The following KDM4B variants were observed in gnomAD, a reference collection of about 807,000 sequenced individuals.
The protein encoded by KDM4B is lysine demethylase 4B.
A neutral mutation model predicts 125.2 loss-of-function variants in KDM4B; 32 were observed. The ratio of observed to expected loss-of-function variants is 0.26; its 90% confidence interval spans 0.19 to 0.34. KDM4B has a LOEUF of 0.34. Ranked by LOEUF, KDM4B falls within the 10% of genes least tolerant of loss-of-function variation. The pLI, the probability that KDM4B is intolerant of heterozygous loss-of-function variation, is 1.00. For synonymous variants in KDM4B, 721 were observed against 677.9 expected (o/e 1.06, Z -0.99); for missense variants, 1,190 against 1,577.7 (o/e 0.75, Z 4.16).
chr19:4,974,474 C>T (rs1209621792), intron 1 of KDM4B, among the ~76,000 whole-genome samples: 2 of 151,908 alleles, frequency 1.3e-5, no homozygotes, highest in Non-Finnish European at 2.9e-5. Flanking sequence ...TGTGGTGGCT[C>T]ACGCCTGTAA....
intron 1 of KDM4B, among the ~76,000 whole-genome samples, chr19:4,996,004 C>G (rs1195111771): frequency 6.6e-6 from 1 of 152,054 alleles, no homozygotes; most frequent in Non-Finnish European, 1.5e-5. Flanking sequence ...CTCTTTCTTT[C>G]TTTTTAGACA....
chr19:5,070,426 A>G (rs969334904), intron 6 of KDM4B, among the ~76,000 whole-genome samples: 5 of 152,244 alleles, frequency 3.3e-5, no homozygotes, highest in South Asian at 4.1e-4. Flanking sequence ...TTTCTTATTC[A>G]TGATGGAGCC....
At chr19:4,995,748 G>C (rs945344518) in intron 1 of KDM4B, among the ~76,000 whole-genome samples, 11 of 152,322 alleles carry the variant, frequency 7.2e-5, no homozygotes, top group African/African-American at 2.4e-4. Flanking sequence ...AGTATCCCAG[G>C]CTGGCTCCCT....
At chr19:5,143,884 G>T in intron 18 of KDM4B, 83 bp from the exon 19 acceptor site, 1 of 1,132,990 alleles carries the variant, frequency 8.8e-7, no homozygotes, top group South Asian at 1.5e-5. Context: ...CTTGAAGGCT[G>T]TGCCGGGAGG....
At chr19:5,090,063 C>T (rs139895289) in intron 9 of KDM4B, among the ~76,000 whole-genome samples, 217 of 152,168 alleles carry the variant, frequency 1.4e-3, no homozygotes, top group African/African-American at 5.0e-3. Flanking sequence ...AAAGCCTGGC[C>T]CCCTTCCTCC....
At chr19:5,100,745 G>C (rs2038915224) in intron 9 of KDM4B, among the ~76,000 whole-genome samples, 1 of 152,108 alleles carries the variant, frequency 6.6e-6, no homozygotes, top group East Asian at 1.9e-4. Flanking sequence ...TTGTTTTCTG[G>C]AAGAGTTCCT....
At chr19:5,052,019 G>A (rs1385546150) in intron 6 of KDM4B, among the ~76,000 whole-genome samples, 1 of 152,106 alleles carries the variant, frequency 6.6e-6, no homozygotes, top group Non-Finnish European at 1.5e-5. Flanking sequence ...GGCCATCCTG[G>A]GCTGCTATGA....
chr19:5,079,673 T>C (rs2038227310), intron 8 of KDM4B, among the ~76,000 whole-genome samples: 1 of 152,242 alleles, frequency 6.6e-6, no homozygotes, highest in Non-Finnish European at 1.5e-5. Flanking sequence ...GGGAAAAGCC[T>C]TTCCGAAGCC....
chr19:5,108,531 C>T (rs994122412), intron 9 of KDM4B, among the ~76,000 whole-genome samples: 47 of 152,152 alleles, frequency 3.1e-4, no homozygotes, highest in African/African-American at 2.2e-4. Flanking sequence ...AGGTTTCCGT[C>T]GTCCCCAACC....
chr19:5,100,548 C>G (rs926420259), intron 9 of KDM4B, among the ~76,000 whole-genome samples: 1 of 152,186 alleles, frequency 6.6e-6, no homozygotes, highest in African/African-American at 2.4e-5. Context: ...CTGCCTCAGC[C>G]TCCTGTGTAG....
At chr19:4,986,499 C>T (rs920614463) in intron 1 of KDM4B, among the ~76,000 whole-genome samples, 4 of 152,178 alleles carry the variant, frequency 2.6e-5, no homozygotes, top group Non-Finnish European at 4.4e-5. Flanking sequence ...GGCACCTGCC[C>T]CCTGCCATGG....
chr19:5,102,819 C>G (rs1185750098), intron 9 of KDM4B, among the ~76,000 whole-genome samples: 1 of 152,206 alleles, frequency 6.6e-6, no homozygotes, highest in Non-Finnish European at 1.5e-5. Context: ...TCTGGCCTCC[C>G]TGGGAGCAGT....
intron 6 of KDM4B, among the ~76,000 whole-genome samples, chr19:5,051,307 C>T (rs2037215734): frequency 6.6e-6 from 1 of 152,266 alleles, no homozygotes; most frequent in Non-Finnish European, 1.5e-5. Context: ...CCCACGCTGC[C>T]TGGGAAAGTG....
At chr19:5,012,212 T>C (rs1302960751) in intron 1 of KDM4B, among the ~76,000 whole-genome samples, 2 of 151,988 alleles carry the variant, frequency 1.3e-5, no homozygotes, top group African/African-American at 4.8e-5. Flanking sequence ...CTTCCCCTCC[T>C]GGCAGTTAAT....
At chr19:5,090,360 C>CCCCA (rs2038651640) in intron 9 of KDM4B, among the ~76,000 whole-genome samples, 2 of 139,920 alleles carry the variant, frequency 1.4e-5, no homozygotes, top group African/African-American at 5.6e-5. Flanking sequence ...CTCTCTCTCT[C>CCCCA]TCCTCATCTC....
chr19:5,052,940 G>GC (rs71170888), intron 6 of KDM4B, among the ~76,000 whole-genome samples: 10,273 of 152,312 alleles, frequency 0.067, 447 homozygotes, highest in Middle Eastern at 0.13. Context: ...GTAAGGCATG[G>GC]CCCCCCTCAG....
intron 6 of KDM4B, among the ~76,000 whole-genome samples, chr19:5,051,500 T>G (rs937425068): frequency 6.6e-6 from 1 of 152,206 alleles, no homozygotes; most frequent in Non-Finnish European, 1.5e-5. Flanking sequence ...AGATGGGGGA[T>G]CAGCATGTTC....
chr19:5,138,335 G>T, intron 18 of KDM4B: 1 of 503,532 alleles, frequency 2.0e-6, no homozygotes, highest in South Asian at 2.2e-5. Flanking sequence ...GGCCTTGGGG[G>T]CATCCTCTGC....
Position 5,137,269 on chromosome 19 carries a change from T to C in KDM4B, c.2316T>C (p.Tyr772=). ...KCCLQVHASC[Y]GIRPELVNEG... is the part of the protein sequence containing the mutation. Reference sequence around the variant, plus strand: ...GCCCCCGCTGTCTTCCAGGTTGCTATGGCATCCGTCCCGAGCTGGTCAATG... The same window carrying C: ...GCCCCCGCTGTCTTCCAGGTTGCTACGGCATCCGTCCCGAGCTGGTCAATG... Residue 772 remains tyrosine (Y), a synonymous_variant, in exon 16 of 23, where the codon TAT becomes TAC. Transcript: ENST00000159111. 3 of 1,573,800 alleles carry C rather than the reference T, an allele frequency of 1.9e-6. No individual in the cohort carries two copies. Among genetic ancestry groups the C allele is most frequent in the Non-Finnish European group, 8.6e-7 (1 of 1,159,638 alleles).
Sources: allele counts gnomAD v4.1 joint callset (sites outside exome capture counted in the v4.1 genomes callset), GRCh38; gene constraint gnomAD v4.1.1; transcripts MANE v1.5; gene names NCBI Gene and HGNC (gene_info 2026-07-23, HGNC 2026-07-21).